The following PHC2 variants were observed in gnomAD, a reference collection of about 807,000 sequenced individuals.
The protein encoded by PHC2 is polyhomeotic homolog 2.
PHC2 carries 29 observed loss-of-function variants against 87.4 expected under a neutral mutation model. The ratio of observed to expected loss-of-function variants is 0.33; its 90% CI spans 0.25 to 0.45. The LOEUF (loss-of-function observed/expected upper bound fraction) is 0.45. Ranked by LOEUF, PHC2 falls within the 20% of genes least tolerant of loss-of-function variation. The pLI is 1.00. For missense variants in PHC2, 857 were observed against 1,136.7 expected (o/e 0.75, Z 3.54); for synonymous variants, 438 against 461.7 (o/e 0.95, Z 0.66).
intron 1 of PHC2, among the ~76,000 whole-genome samples, chr1:33,381,526 T>TG (rs1648490746): frequency 6.6e-6 from 1 of 152,042 alleles, no homozygotes; most frequent in Admixed American, 6.6e-5. Context: ...ACCTCCCTTA[T>TG]GGTATAGGTA....
intron 9 of PHC2, among the ~76,000 whole-genome samples, chr1:33,352,291 A>C (rs1646988531): frequency 6.6e-6 from 1 of 152,238 alleles, no homozygotes; most frequent in Non-Finnish European, 1.5e-5. Flanking sequence ...AAAACATGCT[A>C]TATAATTTAC....
At chr1:33,404,329 G>C (rs138264175) in intron 1 of PHC2, among the ~76,000 whole-genome samples, 2 of 151,746 alleles carry the variant, frequency 1.3e-5, no homozygotes, top group African/African-American at 4.8e-5. Context: ...AATAATTTTG[G>C]TGATGCCTGT....
At position 33,388,382 on chromosome 1, in the gene PHC2, G is replaced by A. The variant is rs1353661677; in HGVS notation, c.-54-12789C>T. On this transcript the variant is annotated intron_variant, in intron 1 of 14. Coordinates refer to ENST00000683057, the MANE Select transcript of PHC2 (RefSeq NM_001385109.1). The stretch of plus-strand genomic sequence containing the variant: ...CTTGTTGCCCAGGCTGGAGTGCAAT[G>A]GCGCGATCCTGGCTCACCGCAACCT... Among the ~76,000 whole-genome samples the A allele has an allele frequency of 2.0e-5, 3 of 149,314 alleles. No homozygotes were observed. In the East Asian group the frequency reaches 5.9e-4, roughly 29 times the overall value.
At chr1:33,409,655 T>A (rs1003527435) in intron 1 of PHC2, among the ~76,000 whole-genome samples, 1 of 152,204 alleles carries the variant, frequency 6.6e-6, no homozygotes, top group African/African-American at 2.4e-5. Flanking sequence ...AATCTATCTA[T>A]CACTGGTTGG....
intron 2 of PHC2, among the ~76,000 whole-genome samples, chr1:33,374,336 T>A (rs1269314898): frequency 6.6e-6 from 1 of 152,118 alleles, no homozygotes; most frequent in Non-Finnish European, 1.5e-5. Context: ...AGTGGGTATA[T>A]CTGAATGCCG....
chr1:33,430,647 C>G (rs564388046), intron 1 of PHC2, among the ~76,000 whole-genome samples: 1 of 152,134 alleles, frequency 6.6e-6, no homozygotes, highest in Non-Finnish European at 1.5e-5. Flanking sequence ...GGTTCCCGTT[C>G]CCGGCAAGCC....
At chr1:33,407,017 T>G (rs1649791081) in intron 1 of PHC2, among the ~76,000 whole-genome samples, 1 of 152,250 alleles carries the variant, frequency 6.6e-6, no homozygotes. Flanking sequence ...GACTCATCTT[T>G]CAGTTCTGAC....
At chr1:33,359,272 C>T (rs2148297607) in intron 7 of PHC2, among the ~76,000 whole-genome samples, 1 of 152,190 alleles carries the variant, frequency 6.6e-6, no homozygotes, top group East Asian at 1.9e-4. Context: ...CTCAAGGCTT[C>T]AAATATGCAG....
chr1:33,335,975 TTTGTTGTTGTTG>T (rs112382571), intron 9 of PHC2, among the ~76,000 whole-genome samples: 1 of 149,248 alleles, frequency 6.7e-6, no homozygotes, highest in Non-Finnish European at 1.5e-5. Context: ...AGCTCATGTT[TTTGTTGTTGTTG>T]TTGTTGTTGT....
rs1478153247 is a variant in PHC2 at position 33,346,889 on chromosome 1, G to A, written c.1558+7512C>T. 3.0e-6 allele frequency: 3 copies of A among 985,308 alleles called. No individual in the cohort carries two copies. In the African/African-American group the frequency reaches 5.2e-5, roughly 17 times the overall value. The allele number at this position is 985,308 out of a possible 1,614,324, so 61.0% of individuals were successfully genotyped here. A position where few individuals can be genotyped will look rare whatever the true frequency, so the allele number is the denominator to read the frequency against. On this transcript the variant is annotated intron_variant, in intron 9 of 14. Coordinates refer to ENST00000683057, the MANE Select transcript of PHC2 (RefSeq NM_001385109.1). Reference sequence around the variant, plus strand: ...CACACCAGTAGGGGTTCCTAATTCTGAGACAATAATCATGTTCTGTGTTTT... The same window carrying A: ...CACACCAGTAGGGGTTCCTAATTCTAAGACAATAATCATGTTCTGTGTTTT...
chr1:33,347,531 G>A, intron 9 of PHC2: 2 of 985,388 alleles, frequency 2.0e-6, no homozygotes, highest in Non-Finnish European at 2.4e-6. Flanking sequence ...CATTCATTAA[G>A]CACCTTTGTG....
At chr1:33,341,371 G>A (rs903546688) in intron 9 of PHC2, among the ~76,000 whole-genome samples, 1 of 152,226 alleles carries the variant, frequency 6.6e-6, no homozygotes, top group Non-Finnish European at 1.5e-5. Flanking sequence ...AAGAGGACAA[G>A]ACATGTAAAC....
intron 1 of PHC2, among the ~76,000 whole-genome samples, chr1:33,417,343 A>G (rs1346020772): frequency 6.6e-6 from 1 of 152,176 alleles, no homozygotes; most frequent in Non-Finnish European, 1.5e-5. Context: ...TAAAAAGCAG[A>G]AATTTTTATA....
At chr1:33,383,443 C>T (rs1648587749) in intron 1 of PHC2, among the ~76,000 whole-genome samples, 1 of 152,218 alleles carries the variant, frequency 6.6e-6, no homozygotes, top group Non-Finnish European at 1.5e-5. Context: ...CATTGTGATG[C>T]AAAACACTAT....
chr1:33,326,789 CTAAAAT>C (rs1646380697), intron 14 of PHC2, among the ~76,000 whole-genome samples: 1 of 152,022 alleles, frequency 6.6e-6, no homozygotes, highest in Non-Finnish European at 1.5e-5. Flanking sequence ...CCCATCTCTA[CTAAAAT>C]ACAAAAATTA....
chr1:33,392,563 A>G (rs1241665015), intron 1 of PHC2: 3 of 152,176 alleles, frequency 2.0e-5, no homozygotes, highest in African/African-American at 7.2e-5. Flanking sequence ...TGCTTCTATT[A>G]TAGCTCCTGT....
chr1:33,352,338 A>G (rs1056809403), intron 9 of PHC2, among the ~76,000 whole-genome samples: 20 of 152,200 alleles, frequency 1.3e-4, no homozygotes, highest in Non-Finnish European at 2.6e-4. Context: ...AGTATAATGA[A>G]TAGCAGAATT....
intron 9 of PHC2, among the ~76,000 whole-genome samples, chr1:33,335,975 T>TTTGTTGTTGTTGTTGTTG (rs112382571): frequency 6.7e-6 from 1 of 149,246 alleles, no homozygotes; most frequent in Non-Finnish European, 1.5e-5. Context: ...AGCTCATGTT[T>TTTGTTGTTGTTGTTGTTG]TTGTTGTTGT....
At position 33,369,072 on chromosome 1, in the gene PHC2, A is replaced by G. The variant is rs1431101380; in HGVS notation, c.577-450T>C. Among the ~76,000 whole-genome samples the G allele has an allele frequency of 6.6e-6, 1 of 152,184 alleles. No homozygotes were observed. The highest frequency in any genetic ancestry group is 1.5e-5 in the Non-Finnish European group (1 of 68,018). On this transcript the variant is annotated intron_variant, in intron 5 of 14. Coordinates refer to ENST00000683057, the MANE Select transcript of PHC2 (RefSeq NM_001385109.1). The surrounding 1 kb of genome is among the most constrained non-coding windows in gnomAD (Gnocchi z 4.7). ...TAACCCACTGCTGAACCCAGGGCTG[A>G]GCCAAGATGAGACTGCCCTCCAGGG... is the stretch of plus-strand genomic sequence containing the variant.
Sources: allele counts gnomAD v4.1 joint callset (sites outside exome capture counted in the v4.1 genomes callset), GRCh38; gene constraint gnomAD v4.1.1; non-coding constraint Gnocchi (gnomAD v3.1); transcripts MANE v1.5; gene names NCBI Gene and HGNC (gene_info 2026-07-23, HGNC 2026-07-21).